Variants in DLGAP2 observed in about 807,000 individuals in gnomAD.
DLGAP2 encodes DLG associated protein 2.
DLGAP2 carries 26 observed loss-of-function variants against 100.3 expected under a neutral mutation model. The ratio of observed to expected loss-of-function variants is 0.26; its 90% confidence interval spans 0.19 to 0.36. DLGAP2 has a LOEUF of 0.36. DLGAP2 is among the 10% of genes least tolerant of loss of function. The probability of loss-of-function intolerance (pLI) is 1.00; values close to 1 mark genes in which losing one functional copy is unlikely to be tolerated. For missense variants in DLGAP2, 1,858 were observed against 1,453.2 expected, an observed-to-expected ratio of 1.28 and a Z score of -4.53; for synonymous variants, 886 against 630.1, an observed-to-expected ratio of 1.41 and a Z score of -6.08.
At chr8:794,012 T>C (rs1795975307) in intron 1 of DLGAP2, among the ~76,000 whole-genome samples, 1 of 152,180 alleles carries the variant, frequency 6.6e-6, no homozygotes, top group South Asian at 2.1e-4. Flanking sequence ...TGGGGGGTGT[T>C]TCTAGCTGCA....
intron 3 of DLGAP2, among the ~76,000 whole-genome samples, chr8:1,287,455 A>G (rs1799952551): frequency 1.1e-5 from 1 of 89,472 alleles, no homozygotes; most frequent in Non-Finnish European, 2.1e-5. Flanking sequence ...TAGGAGGGGA[A>G]CTAGTTTCGG....
At position 1,548,960 on chromosome 8, in the gene DLGAP2, C is replaced by G; in HGVS notation, c.507C>G (p.His169Gln). 4 of 1,599,074 alleles carry G rather than the reference C, an allele frequency of 2.5e-6. No homozygotes were observed. The highest frequency in any genetic ancestry group is 3.4e-6 in the Non-Finnish European group (4 of 1,179,466). Reference protein sequence around the residue: ...STFPRMHYSSHYDTRDDCAVA... With the variant: ...STFPRMHYSSQYDTRDDCAVA... ...TCCCGCGGATGCACTACAGCTCGCA[C>G]TACGACACGCGCGACGACTGCGCTG... The change falls in exon 5 of 15, where the codon CAC (histidine) becomes CAG (glutamine). Residue 169 changes from histidine to glutamine, a missense_variant. His to Gln is a conservative substitution (Grantham distance 24, BLOSUM62 0). Coordinates refer to ENST00000637795, the MANE Select transcript of DLGAP2 (RefSeq NM_001346810.2).
intron 3 of DLGAP2, among the ~76,000 whole-genome samples, chr8:1,305,117 C>T (rs528142098): frequency 5.0e-4 from 76 of 152,348 alleles, no homozygotes; most frequent in African/African-American, 1.7e-3. Context: ...GCTTTGGAGT[C>T]AGCAGCCTGG....
chr8:1,386,234 A>G (rs990520580), intron 3 of DLGAP2, among the ~76,000 whole-genome samples: 1 of 152,210 alleles, frequency 6.6e-6, no homozygotes. Context: ...ATGATCCAGG[A>G]AAAGGAAATT....
At chr8:1,582,742 A>G (rs1795983668) in intron 6 of DLGAP2, among the ~76,000 whole-genome samples, 1 of 152,146 alleles carries the variant, frequency 6.6e-6, no homozygotes, top group Non-Finnish European at 1.5e-5. Context: ...AGTGTGCACC[A>G]CCACACCCGA....
At chr8:1,306,048 T>C (rs1192479353) in intron 3 of DLGAP2, among the ~76,000 whole-genome samples, 6 of 126,368 alleles carry the variant, frequency 4.7e-5, no homozygotes, top group Admixed American at 1.9e-4. Context: ...ATCATAGTAG[T>C]AGAAGTCCTA....
At chr8:1,121,586 C>T (rs992961514) in intron 2 of DLGAP2, among the ~76,000 whole-genome samples, 6 of 152,026 alleles carry the variant, frequency 3.9e-5, no homozygotes, top group African/African-American at 1.4e-4. Flanking sequence ...CCATGACCTC[C>T]CATCCTCTTT....
intron 1 of DLGAP2, among the ~76,000 whole-genome samples, chr8:831,829 C>A (rs1476863035): frequency 6.6e-6 from 1 of 152,120 alleles, no homozygotes; most frequent in Non-Finnish European, 1.5e-5. Flanking sequence ...ACATTCCCAC[C>A]AACAGTGTAA....
At chr8:1,341,405 T>C (rs1002976684) in intron 3 of DLGAP2, among the ~76,000 whole-genome samples, 21 of 152,208 alleles carry the variant, frequency 1.4e-4, no homozygotes, top group Non-Finnish European at 2.6e-4. Context: ...CCAGAAATTA[T>C]TCATAGCCAA....
At chr8:973,289 G>A (rs1584937062) in intron 2 of DLGAP2, among the ~76,000 whole-genome samples, 2 of 149,598 alleles carry the variant, frequency 1.3e-5, no homozygotes, top group African/African-American at 4.9e-5. Context: ...AGCTGGCCGG[G>A]CGGGGGCTGT....
chr8:996,669 A>G (rs1167865970), intron 2 of DLGAP2, among the ~76,000 whole-genome samples: 4 of 152,216 alleles, frequency 2.6e-5, no homozygotes, highest in African/African-American at 9.6e-5. Context: ...TTCAGCCTTT[A>G]AAATATTCCA....
intron 2 of DLGAP2, among the ~76,000 whole-genome samples, chr8:1,120,308 A>G (rs575337324): frequency 1.3e-4 from 20 of 152,284 alleles, no homozygotes; most frequent in African/African-American, 4.6e-4. Context: ...CTCATTAGGC[A>G]TCTTCGTTCC....
intron 2 of DLGAP2, among the ~76,000 whole-genome samples, chr8:1,017,627 G>A (rs1224447393): frequency 6.9e-6 from 1 of 145,244 alleles, no homozygotes; most frequent in African/African-American, 2.5e-5. Context: ...TCCACTGTGT[G>A]TGTGACCGGG....
chr8:940,129 G>A (rs967880978), intron 2 of DLGAP2, among the ~76,000 whole-genome samples: 11 of 152,216 alleles, frequency 7.2e-5, no homozygotes, highest in African/African-American at 2.4e-4. Flanking sequence ...GGCGTGGGGC[G>A]TGGGGCCTGA....
At chr8:1,319,464 C>G (rs1800844901) in intron 3 of DLGAP2, among the ~76,000 whole-genome samples, 1 of 152,168 alleles carries the variant, frequency 6.6e-6, no homozygotes, top group African/African-American at 2.4e-5. Context: ...GCTCTGCACC[C>G]TCGGAGAGAT....
At chr8:808,008 G>C (rs1321450943) in intron 1 of DLGAP2, among the ~76,000 whole-genome samples, 2 of 152,198 alleles carry the variant, frequency 1.3e-5, no homozygotes, top group Non-Finnish European at 2.9e-5. Context: ...GCTACGTGCA[G>C]GTCCAAGGCA....
chr8:1,483,306 G>A (rs992318256), intron 3 of DLGAP2, among the ~76,000 whole-genome samples: 2 of 152,232 alleles, frequency 1.3e-5, no homozygotes, highest in Non-Finnish European at 2.9e-5. Flanking sequence ...CACGCGTGAG[G>A]AAGTGAGCGT....
intron 2 of DLGAP2, among the ~76,000 whole-genome samples, chr8:1,000,429 G>T (rs1800919266): frequency 6.9e-6 from 1 of 144,084 alleles, no homozygotes; most frequent in Non-Finnish European, 1.5e-5. Context: ...CTCTAGAGCA[G>T]ACAGATCCGG....
At chr8:1,569,899 C>T (rs547526266) in intron 6 of DLGAP2, among the ~76,000 whole-genome samples, 28 of 152,206 alleles carry the variant, frequency 1.8e-4, no homozygotes, top group African/African-American at 6.3e-4. Context: ...GGTAGATCTT[C>T]ACCCCATGGC....
Sources: gnomAD v4.1 joint callset for allele counts (sites outside exome capture counted in the v4.1 genomes callset) on GRCh38, gnomAD v4.1.1 for gene constraint, MANE v1.5 for transcripts, NCBI Gene and HGNC (gene_info 2026-07-23, HGNC 2026-07-21) for gene names.